The following SHOC1 variants were observed in gnomAD, a reference collection of about 807,000 sequenced individuals.
SHOC1 encodes shortage in chiasmata 1, also known as protein shortage in chiasmata 1 ortholog.
SHOC1 carries 136 observed loss-of-function variants against 179.2 expected under a neutral mutation model. The ratio of observed to expected loss-of-function variants is 0.76; its 90% CI spans 0.66 to 0.87. The LOEUF is 0.87. SHOC1 is among the 40% of genes least tolerant of loss of function. The probability of loss-of-function intolerance (pLI) is 0.00; values close to 1 mark genes in which losing one functional copy is unlikely to be tolerated. For missense variants in SHOC1, 1,538 were observed against 1,700.8 expected (o/e 0.90, Z 1.68); for synonymous variants, 489 against 586.6 (o/e 0.83, Z 2.41).
chr9:111,769,975 G>GTTTGTTTTTTTTTTTTTTTTTTTTGTC (rs1564161086), intron 5 of SHOC1, among the ~76,000 whole-genome samples: 1 of 87,806 alleles, frequency 1.1e-5, no homozygotes, highest in Non-Finnish European at 2.2e-5. Flanking sequence ...TTTATCTTCT[G>GTTTGTTTTTTTTTTTTTTTTTTTTGTC]TTTTTTTTTT....
intron 10 of SHOC1, among the ~76,000 whole-genome samples, chr9:111,743,817 A>T (rs7850630): frequency 0.015 from 2,252 of 152,312 alleles, 54 homozygotes; most frequent in African/African-American, 0.051. Flanking sequence ...CCCGGCATAA[A>T]GGGGGACTAC....
At chr9:111,727,587 C>A in intron 13 of SHOC1, 46 bp downstream of exon 13, 1 of 1,474,746 alleles carries the variant, frequency 6.8e-7, no homozygotes, top group South Asian at 1.4e-5. Context: ...TGTACTTAGT[C>A]CTTGAGCCTA....
Position 111,791,376 on chromosome 9 carries a change from C to T in SHOC1, c.43G>A (p.Glu15Lys). Residue 15 changes from glutamate to lysine, a missense_variant and splice_region_variant, in exon 2 of 28, where the codon GAG becomes AAG. Glu to Lys is a moderately conservative substitution (Grantham distance 56, BLOSUM62 1). Transcript: ENST00000682961. ...ACAGTAAGCCACTAACACTCTACCT[C>T]ATATAAATAGTCTATTGCATGATAT... Reference protein sequence around the residue: ...LKYHAIDYLYENVVRKKFYRD... With the variant: ...LKYHAIDYLYKNVVRKKFYRD... 6.8e-7 allele frequency: 1 copy of T among 1,466,376 alleles called. No homozygotes were observed. The highest frequency in any genetic ancestry group is 9.1e-7 in the Non-Finnish European group (1 of 1,101,624). The allele number at this position is 1,466,376 out of a possible 1,614,324, so 90.8% of individuals were successfully genotyped here. A position where few individuals can be genotyped will look rare whatever the true frequency, so the allele number is the denominator to read the frequency against.
At chr9:111,776,034 G>A in intron 4 of SHOC1, 59 bp from the exon 5 acceptor site, 1 of 1,336,118 alleles carries the variant, frequency 7.5e-7, no homozygotes, top group Non-Finnish European at 1.0e-6. Flanking sequence ...ACTTTTATTA[G>A]TAGATAATAT....
chr9:111,704,456 C>A (rs779735574), intron 21 of SHOC1, among the ~76,000 whole-genome samples: 8 of 152,094 alleles, frequency 5.3e-5, no homozygotes, highest in Non-Finnish European at 8.8e-5. Context: ...TATCATGGCT[C>A]ACTGTAGCCT....
chr9:111,724,034 T>C, intron 13 of SHOC1, 123 bp from the exon 14 acceptor site: 1 of 699,268 alleles, frequency 1.4e-6, no homozygotes. Context: ...AACACATCAG[T>C]ATTAAAGTGA....
chr9:111,756,324 C>T lies in SHOC1; in HGVS notation c.862+1G>A, dbSNP rs1276859898. On this transcript the variant is annotated splice_donor_variant, in intron 8 of 27. Transcript: ENST00000682961. LOFTEE classifies it high-confidence loss of function. Reference sequence around the variant, plus strand: ...TAATACATTTTACAATTAATTCTCACCTCTTTCAAAAAGCTTTTCCTTTTC... The same window carrying T: ...TAATACATTTTACAATTAATTCTCATCTCTTTCAAAAAGCTTTTCCTTTTC... The T allele has an allele frequency of 1.9e-6, 3 of 1,588,480 alleles. No homozygotes were observed. The highest frequency in any genetic ancestry group is 2.6e-6 in the Non-Finnish European group (3 of 1,170,190).
chr9:111,693,897 G>A lies in SHOC1; in HGVS notation c.3367C>T (p.Leu1123Phe). The A allele has an allele frequency of 6.2e-7, 1 of 1,612,012 alleles. No homozygotes were observed. Among genetic ancestry groups the A allele is most frequent in the African/African-American group, 1.3e-5 (1 of 74,982 alleles). Residue 1123 changes from leucine (L) to phenylalanine (F), a missense_variant, in exon 26 of 28, where the codon CTC (leucine) becomes TTC (phenylalanine). By Grantham distance (22) the Leu-to-Phe change is conservative (BLOSUM62 0). Coordinates refer to ENST00000682961, the MANE Select transcript of SHOC1 (RefSeq NM_001378211.1). Reference protein sequence around the residue: ...FPCINPLVAQLMLNKGPSLHW... With the variant: ...FPCINPLVAQFMLNKGPSLHW... Reference sequence around the variant, plus strand: ...AGTGAAGGTCCTTTATTTAGCATGAGCTGAGCCACCAATGGGTTAATACAT... The same window carrying A: ...AGTGAAGGTCCTTTATTTAGCATGAACTGAGCCACCAATGGGTTAATACAT...
At chr9:111,687,134 G>C (rs1232411765) in intron 27 of SHOC1, among the ~76,000 whole-genome samples, 1 of 151,790 alleles carries the variant, frequency 6.6e-6, no homozygotes, top group African/African-American at 2.4e-5. Context: ...TTTTAGTAGA[G>C]ACAGGGTTTT....
chr9:111,707,790 A>G, intron 19 of SHOC1, 65 bp downstream of exon 19: 1 of 1,037,532 alleles, frequency 9.6e-7, no homozygotes, highest in South Asian at 1.4e-5. Flanking sequence ...AACTTCTAGG[A>G]AGATTTTGCT....
rs1834954166 is a variant in SHOC1, at chr9:111,758,164, C to T, written c.628G>A (p.Ala210Thr). The T allele has an allele frequency of 1.9e-6, 3 of 1,581,618 alleles. No homozygotes were observed. The African/African-American group carries it at 4.1e-5, about 21-fold the overall frequency. ...ATACAAAAATCTTCTTTCACAAAAG[C>T]TTCCAAAGTTTCTTGAAGAGAGAAA... ...ECFSLQETLE[A>T]FVKEDFCMDK... Residue 210 changes from alanine to threonine, a missense_variant, in exon 7 of 28, where the codon GCT becomes ACT. Physicochemically the swap from Ala to Thr is moderately conservative, Grantham distance 58. Coordinates refer to ENST00000682961, the MANE Select transcript of SHOC1 (RefSeq NM_001378211.1).
intron 18 of SHOC1, among the ~76,000 whole-genome samples, chr9:111,710,023 C>G (rs557942719): frequency 6.6e-6 from 1 of 152,240 alleles, no homozygotes; most frequent in African/African-American, 2.4e-5. Context: ...TCCTCAGGTT[C>G]TTCACAAAAA....
At position 111,692,371 on chromosome 9, in the gene SHOC1, G is replaced by T; in HGVS notation, c.3606C>A (p.Val1202=). ...SQSSASDLDS[V]IQEHNEYYQY... ...GATAATATTCATTATGTTCTTGAAT[G>T]ACAGAGTCTAAATCAGAAGCTGAAC... The change falls in exon 27 of 28, where the codon GTC becomes GTA. Residue 1202 remains valine (V), a synonymous_variant. Transcript: ENST00000682961. 2 of 1,613,202 alleles carry T rather than the reference G, an allele frequency of 1.2e-6. No homozygotes were observed. The highest frequency in any genetic ancestry group is 2.2e-5 in the South Asian group (2 of 91,004).
At chr9:111,756,103 C>A (rs1348000549) in intron 8 of SHOC1, among the ~76,000 whole-genome samples, 1 of 151,926 alleles carries the variant, frequency 6.6e-6, no homozygotes, top group South Asian at 2.1e-4. Context: ...GCCTGGGCAA[C>A]AAGAGCGAAA....
chr9:111,692,447 A>T lies in SHOC1; in HGVS notation c.3530T>A (p.Ile1177Asn). Reference sequence around the variant, plus strand: ...ATTCCTATTTTCCTGAGGTGACGAAATTTGCGGTGATTTTGTTATGGAAGA... The same window carrying T: ...ATTCCTATTTTCCTGAGGTGACGAATTTTGCGGTGATTTTGTTATGGAAGA... ...GSSSITKSPQ[I>N]SSPQENRNQI... is the part of the protein sequence containing the mutation. Residue 1177 changes from isoleucine to asparagine, a missense_variant, in exon 27 of 28, where the codon ATT becomes AAT. Physicochemically the swap from Ile to Asn is moderately radical, Grantham distance 149. Transcript: ENST00000682961. The T allele has an allele frequency of 1.2e-6, 2 of 1,607,234 alleles. No homozygotes were observed. Among genetic ancestry groups the T allele is most frequent in the Non-Finnish European group, 1.7e-6 (2 of 1,176,926 alleles).
At position 111,785,928 on chromosome 9, in the gene SHOC1, C is replaced by A; in HGVS notation, c.153G>T (p.Arg51Ser). Residue 51 changes from arginine (R) to serine (S), a missense_variant, in exon 3 of 28, where the codon AGG becomes AGT. Transcript: ENST00000682961. ...CAAACATACCTCTCGTCCATGGCCTCCTAAATTTATTATCAGTAACTGCTA... is the reference window on the plus strand; with the variant it reads ...CAAACATACCTCTCGTCCATGGCCTACTAAATTTATTATCAGTAACTGCTA... The part of the protein sequence containing the change: ...YHVAVTDNKF[R>S]RPWTRVSAVS... 6.7e-7 allele frequency: 1 copy of A among 1,487,320 alleles called. No individual in the cohort carries two copies. 92.1% of individuals were successfully genotyped at this position (1,487,320 alleles called of 1,614,324 possible).
intron 9 of SHOC1, among the ~76,000 whole-genome samples, chr9:111,747,271 G>A (rs1414073853): frequency 6.6e-6 from 1 of 152,038 alleles, no homozygotes; most frequent in Admixed American, 6.6e-5. Context: ...TTAAGTATCA[G>A]GGCTATCAAT....
intron 8 of SHOC1, among the ~76,000 whole-genome samples, chr9:111,755,575 T>G (rs1834816741): frequency 6.6e-6 from 1 of 152,180 alleles, no homozygotes; most frequent in Non-Finnish European, 1.5e-5. Context: ...TTACTAAGAC[T>G]AAATGGGATG....
intron 4 of SHOC1, among the ~76,000 whole-genome samples, chr9:111,780,340 G>T (rs778919632): frequency 1.3e-5 from 2 of 152,148 alleles, no homozygotes; most frequent in Non-Finnish European, 1.5e-5. Flanking sequence ...TTATTAAATT[G>T]CACCAAAATC....
Sources: gnomAD v4.1 joint callset for allele counts (sites outside exome capture counted in the v4.1 genomes callset) on GRCh38, gnomAD v4.1.1 for gene constraint, MANE v1.5 for transcripts, NCBI Gene and HGNC (gene_info 2026-07-23, HGNC 2026-07-21) for gene names.